The following DOK6 variants were observed in gnomAD, a reference collection of about 807,000 sequenced individuals.
DOK6 encodes docking protein 6.
Under a neutral mutation model 44.0 loss-of-function variants are expected in DOK6, and 22 were observed. The ratio of observed to expected loss-of-function variants is 0.50; its 90% CI spans 0.36 to 0.71. The LOEUF (loss-of-function observed/expected upper bound fraction) is 0.71, where lower values mean the gene tolerates loss of function less well. Among genes scored for constraint, DOK6 ranks in the 30% least tolerant of loss-of-function variants. The pLI is 0.00. For synonymous variants in DOK6, 166 were observed against 145.5 expected (o/e 1.14, Z -1.01); for missense variants, 340 against 416.4 (o/e 0.82, Z 1.60).
chr18:69,552,596 C>G (rs1218312877), intron 1 of DOK6, among the ~76,000 whole-genome samples: 1 of 152,202 alleles, frequency 6.6e-6, no homozygotes, highest in Non-Finnish European at 1.5e-5. Context: ...ATTACTTCCT[C>G]CAGGACTTCC....
At chr18:69,830,162 T>C (rs553470299) in intron 7 of DOK6, among the ~76,000 whole-genome samples, 3 of 152,258 alleles carry the variant, frequency 2.0e-5, no homozygotes, top group East Asian at 3.9e-4. Flanking sequence ...ATGTTCAGTT[T>C]TTGTTACCAA....
chr18:69,592,739 T>C (rs966945491), intron 2 of DOK6, among the ~76,000 whole-genome samples: 14 of 152,128 alleles, frequency 9.2e-5, no homozygotes, highest in African/African-American at 3.4e-4. Context: ...ACTTTATGCT[T>C]TTACAACCAT....
intron 1 of DOK6, among the ~76,000 whole-genome samples, chr18:69,445,005 T>G (rs1979243476): frequency 6.6e-6 from 1 of 152,196 alleles, no homozygotes; most frequent in Non-Finnish European, 1.5e-5. Flanking sequence ...CTGCTTTAAT[T>G]TATTTTGGCA....
chr18:69,603,689 T>C (rs1034502484), intron 3 of DOK6, among the ~76,000 whole-genome samples: 5 of 142,906 alleles, frequency 3.5e-5, no homozygotes, highest in African/African-American at 1.3e-4. Context: ...GAGAATGGCG[T>C]GAACCCGGGA....
At chr18:69,731,859 T>G (rs905136182) in intron 5 of DOK6, among the ~76,000 whole-genome samples, 2 of 152,232 alleles carry the variant, frequency 1.3e-5, no homozygotes, top group African/African-American at 2.4e-5. Context: ...TCTGCTTGTC[T>G]TCTTTTGTTA....
chr18:69,433,517 A>G (rs1016862966), intron 1 of DOK6, among the ~76,000 whole-genome samples: 2 of 152,194 alleles, frequency 1.3e-5, no homozygotes, highest in Non-Finnish European at 2.9e-5. Flanking sequence ...ATTATTCCAG[A>G]TAGAGATAAA....
chr18:69,505,508 T>G (rs1332277831), intron 1 of DOK6, among the ~76,000 whole-genome samples: 13 of 147,642 alleles, frequency 8.8e-5, no homozygotes, highest in African/African-American at 3.0e-4. Context: ...TTTTTTTTTT[T>G]TTTTTTTGAA....
intron 7 of DOK6, among the ~76,000 whole-genome samples, chr18:69,828,138 A>G (rs1346356000): frequency 6.6e-6 from 1 of 151,902 alleles, no homozygotes; most frequent in Non-Finnish European, 1.5e-5. Context: ...AGATACTTTA[A>G]TATAATATTC....
chr18:69,441,980 G>A lies in DOK6; in HGVS notation c.66+40670G>A, dbSNP rs374929602. Among the ~76,000 whole-genome samples, 9 of 152,132 alleles carry A rather than the reference G, an allele frequency of 5.9e-5. No individual in the cohort carries two copies. The South Asian group carries it at 8.3e-4, about 14-fold the overall frequency. ...AGAAAGGAGATGACATTTAAGGTGGGGATTAAAATATGGTTACCCCGGAAC... is the reference window on the plus strand; with the variant it reads ...AGAAAGGAGATGACATTTAAGGTGGAGATTAAAATATGGTTACCCCGGAAC... On this transcript the variant is annotated intron_variant, in intron 1 of 7. Coordinates refer to ENST00000382713, the MANE Select transcript of DOK6 (RefSeq NM_152721.6).
chr18:69,513,498 T>G (rs563376906), intron 1 of DOK6, among the ~76,000 whole-genome samples: 1 of 152,330 alleles, frequency 6.6e-6, no homozygotes, highest in African/African-American at 2.4e-5. Context: ...ATAAGTGGTT[T>G]CCAAAGAAAA....
At chr18:69,838,917 C>T (rs1314153239) in intron 7 of DOK6, among the ~76,000 whole-genome samples, 1 of 150,636 alleles carries the variant, frequency 6.6e-6, no homozygotes, top group Non-Finnish European at 1.5e-5. Context: ...CCATTAGCTC[C>T]TCTTTCCCTA....
chr18:69,645,483 G>C (rs1454632825), intron 3 of DOK6, among the ~76,000 whole-genome samples: 1 of 152,102 alleles, frequency 6.6e-6, no homozygotes, highest in Non-Finnish European at 1.5e-5. Flanking sequence ...AATTGTATCA[G>C]ATATAGCCAT....
At chr18:69,623,041 G>A (rs116803763) in intron 3 of DOK6, among the ~76,000 whole-genome samples, 2,236 of 152,252 alleles carry the variant, frequency 0.015, 43 homozygotes, top group African/African-American at 0.051. Context: ...CTGGTGGGAC[G>A]TGATTGAATT....
chr18:69,775,240 C>T (rs1041729565), intron 7 of DOK6, among the ~76,000 whole-genome samples: 1 of 151,844 alleles, frequency 6.6e-6, no homozygotes, highest in African/African-American at 2.4e-5. Flanking sequence ...CAAAAATTCC[C>T]TAAAGAAAAT....
intron 1 of DOK6, among the ~76,000 whole-genome samples, chr18:69,484,817 G>T (rs1236355836): frequency 6.6e-6 from 1 of 152,054 alleles, no homozygotes; most frequent in Non-Finnish European, 1.5e-5. Context: ...TCAGCACTGT[G>T]CTTAGAAGTT....
At chr18:69,687,419 C>T (rs1426687888) in intron 4 of DOK6, among the ~76,000 whole-genome samples, 1 of 133,154 alleles carries the variant, frequency 7.5e-6, no homozygotes. Context: ...CGGTGGCTCA[C>T]ACCTGTGATC....
At chr18:69,673,778 A>G (rs982762498) in intron 3 of DOK6, among the ~76,000 whole-genome samples, 11 of 152,368 alleles carry the variant, frequency 7.2e-5, no homozygotes, top group African/African-American at 2.6e-4. Context: ...TCAATTAAAA[A>G]TTTGAACATA....
intron 7 of DOK6, among the ~76,000 whole-genome samples, chr18:69,802,267 A>G (rs1980925216): frequency 6.6e-6 from 1 of 152,154 alleles, no homozygotes; most frequent in Non-Finnish European, 1.5e-5. Context: ...CTGATTTACC[A>G]TGGTTCAACT....
At chr18:69,537,841 C>A (rs1476482676) in intron 1 of DOK6, among the ~76,000 whole-genome samples, 1 of 152,100 alleles carries the variant, frequency 6.6e-6, no homozygotes, top group African/African-American at 2.4e-5. Flanking sequence ...AACACTATGT[C>A]TTAAAAGTAT....
Sources: gnomAD v4.1 joint callset for allele counts (sites outside exome capture counted in the v4.1 genomes callset) on GRCh38, gnomAD v4.1.1 for gene constraint, MANE v1.5 for transcripts, NCBI Gene and HGNC (gene_info 2026-07-23, HGNC 2026-07-21) for gene names.